The following GRM7 variants were observed in gnomAD, a reference collection of about 807,000 sequenced individuals.
The protein encoded by GRM7 is glutamate metabotropic receptor 7, also known as metabotropic glutamate receptor 7.
GRM7 carries 35 observed loss-of-function variants against 84.5 expected under a neutral mutation model. The ratio of observed to expected loss-of-function variants is 0.41; its 90% CI spans 0.32 to 0.55. The LOEUF is 0.55. Ranked by LOEUF, GRM7 falls within the 20% of genes least tolerant of loss-of-function variation. GRM7 has a pLI of 0.19. For missense variants in GRM7, 1,003 were observed against 1,194.6 expected (o/e 0.84, Z 2.36); for synonymous variants, 487 against 455.1 (o/e 1.07, Z -0.89).
At chr3:7,638,598 G>T (rs1003579491) in intron 8 of GRM7, among the ~76,000 whole-genome samples, 6 of 152,138 alleles carry the variant, frequency 3.9e-5, no homozygotes, top group African/African-American at 1.4e-4. Flanking sequence ...TCTAGTGTTT[G>T]GATTTGTCCA....
chr3:7,073,308 C>T (rs981166619), intron 1 of GRM7, among the ~76,000 whole-genome samples: 1 of 151,890 alleles, frequency 6.6e-6, no homozygotes, highest in Non-Finnish European at 1.5e-5. Flanking sequence ...CACCTGTTGC[C>T]TTGTTAAAAT....
chr3:7,123,087 T>C (rs1230740540), intron 1 of GRM7, among the ~76,000 whole-genome samples: 2 of 152,374 alleles, frequency 1.3e-5, no homozygotes, highest in Middle Eastern at 3.4e-3. Context: ...AACATGTCAG[T>C]GGTAAATGCA....
rs79843249 is a variant in GRM7 at position 7,021,398 on chromosome 3, G to A, written c.520-125054G>A. Among the ~76,000 whole-genome samples the A allele has an allele frequency of 6.0e-4, 91 of 152,312 alleles. No individual in the cohort carries two copies. In the East Asian group the frequency reaches 0.017, roughly 29 times the overall value. Reference sequence around the variant, plus strand: ...CTGAGTACATGGAAGAGAAGGTTATGTGAAGGAACTTTAAGTTATACTGGA... The same window carrying A: ...CTGAGTACATGGAAGAGAAGGTTATATGAAGGAACTTTAAGTTATACTGGA... On this transcript the variant is annotated intron_variant, in intron 1 of 9. Transcript: ENST00000357716.
chr3:6,943,157 A>G (rs58656110), intron 1 of GRM7, among the ~76,000 whole-genome samples: 15,892 of 151,750 alleles, frequency 0.1, 879 homozygotes, highest in African/African-American at 0.14. Context: ...AGCTGGCAGC[A>G]TATCTTTTTG....
In GRM7 at chr3:6,998,119, C is replaced by CAAAAAAAAAA. The variant is rs3063449; in HGVS notation, c.519+136223_519+136232dup. ...GGGCAAAAACAGCAAATCTCCATCTCAAAAAAAAAAAAAAAAAAAAGCAGG... is the reference window on the plus strand; with the variant it reads ...GGGCAAAAACAGCAAATCTCCATCTCAAAAAAAAAAAAAAAAAAAAAAAAAAAAAAGCAGG... On this transcript the variant is annotated intron_variant, in intron 1 of 9. Transcript: ENST00000357716. 1.1e-4 allele frequency among the ~76,000 whole-genome samples: 2 copies of CAAAAAAAAAA among 18,434 alleles called. 1 individual carries two copies. 12.1% of individuals were successfully genotyped at this position (18,434 alleles called of 152,430 possible). A position where few individuals can be genotyped will look rare whatever the true frequency, so the allele number is the denominator to read the frequency against.
intron 4 of GRM7, among the ~76,000 whole-genome samples, chr3:7,323,161 C>T (rs1700852492): frequency 6.6e-6 from 1 of 152,166 alleles, no homozygotes. Flanking sequence ...TCATTAGCCA[C>T]AGGCTGTCTC....
intron 4 of GRM7, among the ~76,000 whole-genome samples, chr3:7,413,307 G>T (rs1696021460): frequency 6.6e-6 from 1 of 152,142 alleles, no homozygotes; most frequent in Admixed American, 6.6e-5. Context: ...TAAATACATG[G>T]CTACAACAAG....
chr3:7,720,339 C>T (rs1701902669), intron 9 of GRM7, among the ~76,000 whole-genome samples: 1 of 152,050 alleles, frequency 6.6e-6, no homozygotes. Context: ...ATAACCATTT[C>T]TCAAAATTTC....
At chr3:7,081,853 C>G (rs1698285761) in intron 1 of GRM7, among the ~76,000 whole-genome samples, 1 of 152,076 alleles carries the variant, frequency 6.6e-6, no homozygotes, top group Non-Finnish European at 1.5e-5. Context: ...TCCCTTAAGC[C>G]AAAGCCTAAT....
chr3:6,906,216 C>T (rs1050887727), intron 1 of GRM7, among the ~76,000 whole-genome samples: 7 of 152,086 alleles, frequency 4.6e-5, no homozygotes, highest in Admixed American at 2.0e-4. Flanking sequence ...TGTATAATAT[C>T]GTTAGGATCT....
At chr3:6,994,744 T>C (rs1424826044) in intron 1 of GRM7, among the ~76,000 whole-genome samples, 2 of 152,230 alleles carry the variant, frequency 1.3e-5, no homozygotes, top group African/African-American at 4.8e-5. Flanking sequence ...TCTTTTCCAA[T>C]ATCTTTTTAG....
At chr3:7,508,073 G>A in intron 7 of GRM7, among the ~76,000 whole-genome samples, 1 of 152,138 alleles carries the variant, frequency 6.6e-6, no homozygotes, top group East Asian at 1.9e-4. Context: ...CATTTTCAAT[G>A]TCTGTGTGCT....
At chr3:7,380,713 A>C (rs1313179192) in intron 4 of GRM7, among the ~76,000 whole-genome samples, 2 of 152,206 alleles carry the variant, frequency 1.3e-5, no homozygotes, top group Non-Finnish European at 2.9e-5. Context: ...GAACATTCTA[A>C]CTATCCTGAA....
chr3:7,508,830 A>G (rs531130329), intron 7 of GRM7, among the ~76,000 whole-genome samples: 1 of 152,156 alleles, frequency 6.6e-6, no homozygotes, highest in African/African-American at 2.4e-5. Context: ...AGTTCTTGCT[A>G]TGAGTCCAGC....
At chr3:7,259,953 G>GTTTTTTTTTGTT (rs1553638866) in intron 2 of GRM7, among the ~76,000 whole-genome samples, 1 of 89,668 alleles carries the variant, frequency 1.1e-5, no homozygotes, top group Non-Finnish European at 1.9e-5. Flanking sequence ...ACCAGCATCT[G>GTTTTTTTTTGTT]TTTTTTTTTT....
At chr3:7,593,706 G>A (rs1289829695) in intron 8 of GRM7, among the ~76,000 whole-genome samples, 1 of 152,130 alleles carries the variant, frequency 6.6e-6, no homozygotes. Context: ...GTAGAAAATG[G>A]AATGGGGTGG....
chr3:7,299,684 T>C (rs1699930896), intron 3 of GRM7, among the ~76,000 whole-genome samples: 1 of 152,154 alleles, frequency 6.6e-6, no homozygotes, highest in Non-Finnish European at 1.5e-5. Flanking sequence ...TGCATTCCTG[T>C]TCAGCATTTT....
rs918006376 is a variant in GRM7 at position 6,873,459 on chromosome 3, A to C, written c.519+11552A>C. Among the ~76,000 whole-genome samples, 3 of 152,134 alleles carry C rather than the reference A, an allele frequency of 2.0e-5. No homozygotes were observed. In the East Asian group the frequency reaches 5.8e-4, roughly 29 times the overall value. ...AACATAGTTCAGATTCCTGCTTTCC[A>C]CTTGCTAACCATGTGAGCTTCAGCA... On this transcript the variant is annotated intron_variant, in intron 1 of 9. Coordinates refer to ENST00000357716, the MANE Select transcript of GRM7 (RefSeq NM_000844.4).
At chr3:7,136,430 G>GA (rs148404220) in intron 1 of GRM7, among the ~76,000 whole-genome samples, 31,863 of 149,690 alleles carry the variant, frequency 0.21, 3,566 homozygotes, top group Middle Eastern at 0.33. Flanking sequence ...TAAGGCCTAA[G>GA]AAAAAAAAAC....
Sources: gnomAD v4.1 joint callset for allele counts (sites outside exome capture counted in the v4.1 genomes callset) on GRCh38, gnomAD v4.1.1 for gene constraint, MANE v1.5 for transcripts, NCBI Gene and HGNC (gene_info 2026-07-23, HGNC 2026-07-21) for gene names.